DGKI: variants seen among roughly 807,000 people sequenced by gnomAD.
DGKI encodes diacylglycerol kinase iota.
Under a neutral mutation model 147.5 loss-of-function variants are expected in DGKI, and 55 were observed. The observed-to-expected ratio is 0.37, with a 90% CI of 0.30 to 0.47. The LOEUF is 0.47. Ranked by LOEUF, DGKI falls within the 20% of genes least tolerant of loss-of-function variation. The probability of loss-of-function intolerance (pLI) is 1.00; values close to 1 mark genes in which losing one functional copy is unlikely to be tolerated. For synonymous variants in DGKI, 469 were observed against 477.1 expected, an observed-to-expected ratio of 0.98 and a Z score of 0.22; for missense variants, 1,007 against 1,323.8, an observed-to-expected ratio of 0.76 and a Z score of 3.71.
chr7:137,604,403 G>T (rs1257765074), intron 10 of DGKI, among the ~76,000 whole-genome samples: 1 of 152,136 alleles, frequency 6.6e-6, no homozygotes, highest in Non-Finnish European at 1.5e-5. Context: ...CTCATCTGAA[G>T]TTATTTACTC....
intron 6 of DGKI, among the ~76,000 whole-genome samples, chr7:137,626,244 C>T (rs1050275510): frequency 6.6e-6 from 1 of 151,998 alleles, no homozygotes; most frequent in Non-Finnish European, 1.5e-5. Context: ...ATGTTCCTCT[C>T]CTCCCAGATA....
chr7:137,677,417 T>C (rs1330565753), intron 3 of DGKI, among the ~76,000 whole-genome samples: 2 of 152,366 alleles, frequency 1.3e-5, no homozygotes, highest in Middle Eastern at 3.4e-3. Context: ...CATCTGGGTC[T>C]TTCCCTGACA....
At chr7:137,812,101 ATGCCC>A (rs796922214) in intron 1 of DGKI, among the ~76,000 whole-genome samples, 12 of 152,272 alleles carry the variant, frequency 7.9e-5, no homozygotes, top group African/African-American at 2.9e-4. Context: ...TCCCAGGGAG[ATGCCC>A]TTCACTTTCC....
At chr7:137,706,499 T>C (rs1037069669) in intron 1 of DGKI, among the ~76,000 whole-genome samples, 38 of 149,062 alleles carry the variant, frequency 2.5e-4, no homozygotes, top group Admixed American at 1.3e-3. Flanking sequence ...TATTTTATTT[T>C]ATTTTATTTT....
chr7:137,485,504 A>G (rs1815523824), intron 22 of DGKI, 86 bp from the exon 23 acceptor site: 1 of 987,462 alleles, frequency 1.0e-6, no homozygotes. Context: ...TGAACTCCCA[A>G]TTTAATATTA....
chr7:137,433,500 G>A (rs555912097), intron 28 of DGKI, among the ~76,000 whole-genome samples: 1 of 152,104 alleles, frequency 6.6e-6, no homozygotes, highest in Admixed American at 6.5e-5. Flanking sequence ...AACAAATATA[G>A]TAACAATTAG....
chr7:137,763,628 C>A (rs1795925352), intron 1 of DGKI, among the ~76,000 whole-genome samples: 1 of 152,226 alleles, frequency 6.6e-6, no homozygotes, highest in South Asian at 2.1e-4. Flanking sequence ...GTTTGCCTAT[C>A]TCAGCTTTCC....
intron 21 of DGKI, among the ~76,000 whole-genome samples, chr7:137,488,470 A>T (rs982601100): frequency 3.9e-5 from 6 of 152,196 alleles, no homozygotes; most frequent in African/African-American, 1.4e-4. Flanking sequence ...TACTTCAGAT[A>T]GAATCACAAG....
chr7:137,760,217 A>G (rs3800660), intron 1 of DGKI, among the ~76,000 whole-genome samples: 76,765 of 151,904 alleles, frequency 0.51, 22,411 homozygotes, highest in African/African-American at 0.82. Flanking sequence ...TTCTCTAACA[A>G]CCAAGAGCCC....
chr7:137,803,289 A>T (rs1797269545), intron 1 of DGKI, among the ~76,000 whole-genome samples: 1 of 152,152 alleles, frequency 6.6e-6, no homozygotes, highest in Non-Finnish European at 1.5e-5. Flanking sequence ...GGCTGTGATC[A>T]CTCTTCAGAG....
At chr7:137,411,706 A>G (rs925856271) in intron 29 of DGKI, among the ~76,000 whole-genome samples, 1 of 152,288 alleles carries the variant, frequency 6.6e-6, no homozygotes, top group African/African-American at 2.4e-5. Flanking sequence ...CACAAATTAA[A>G]CTATTCCAAG....
At chr7:137,406,621 G>C (rs764691484) in intron 30 of DGKI, among the ~76,000 whole-genome samples, 29 of 152,162 alleles carry the variant, frequency 1.9e-4, no homozygotes, top group Admixed American at 1.3e-4. Flanking sequence ...TACCTACCTT[G>C]CAAGGACCTT....
chr7:137,558,444 C>T (rs1413799171), intron 19 of DGKI, among the ~76,000 whole-genome samples: 3 of 151,978 alleles, frequency 2.0e-5, no homozygotes, highest in East Asian at 1.9e-4. Flanking sequence ...CAGCTAATTT[C>T]GTTTTGTATT....
At chr7:137,586,482 TAC>T (rs1819402183) in intron 13 of DGKI, among the ~76,000 whole-genome samples, 1 of 152,068 alleles carries the variant, frequency 6.6e-6, no homozygotes, top group Non-Finnish European at 1.5e-5. Flanking sequence ...TATGTATATA[TAC>T]ACAGTGTGTG....
intron 5 of DGKI, among the ~76,000 whole-genome samples, chr7:137,646,152 T>C (rs923228950): frequency 6.6e-5 from 10 of 152,214 alleles, no homozygotes; most frequent in African/African-American, 2.4e-4. Flanking sequence ...ATTTAACAAA[T>C]AGGTATGTAG....
intron 1 of DGKI, among the ~76,000 whole-genome samples, chr7:137,834,447 G>A (rs1375179495): frequency 6.6e-6 from 1 of 152,130 alleles, no homozygotes; most frequent in African/African-American, 2.4e-5. Context: ...CACCACAATG[G>A]GAATAACCAT....
At chr7:137,539,932 T>C (rs1817633273) in intron 20 of DGKI, among the ~76,000 whole-genome samples, 1 of 152,046 alleles carries the variant, frequency 6.6e-6, no homozygotes, top group Admixed American at 6.6e-5. Context: ...CTCACAGACA[T>C]GAAAGAGAGA....
rs1811060312 is a variant in DGKI at position 137,381,520 on chromosome 7, C to A, written c.*9700G>T. The A allele has an allele frequency of 1.3e-5, 2 of 151,642 alleles. No individual in the cohort carries two copies. The highest frequency in any genetic ancestry group is 2.1e-4 in the South Asian group (1 of 4,810). 9.4% of individuals were successfully genotyped at this position (151,642 alleles called of 1,614,324 possible). On this transcript the variant is annotated 3_prime_UTR_variant, in exon 33 of 33. Transcript: ENST00000614521. ...ACTCTTCATACAGATGTAGCCTTTG[C>A]GAGTGGAATACCCACAGCCAAGGGT...
chr7:137,705,052 T>A (rs1283701732), intron 1 of DGKI, among the ~76,000 whole-genome samples: 1 of 151,974 alleles, frequency 6.6e-6, no homozygotes, highest in Non-Finnish European at 1.5e-5. Context: ...GTAAAGTAAA[T>A]CCAAAATGAA....
Sources: gnomAD v4.1 joint callset for allele counts (sites outside exome capture counted in the v4.1 genomes callset) on GRCh38, gnomAD v4.1.1 for gene constraint, MANE v1.5 for transcripts, NCBI Gene and HGNC (gene_info 2026-07-23, HGNC 2026-07-21) for gene names.